SLCO3A1: variants seen among roughly 807,000 people sequenced by gnomAD.
SLCO3A1 encodes the protein solute carrier organic anion transporter family member 3A1.
A neutral mutation model predicts 63.1 loss-of-function variants in SLCO3A1; 27 were observed. That is an observed-to-expected ratio of 0.43 (90% CI 0.32 to 0.59). The LOEUF (loss-of-function observed/expected upper bound fraction) is 0.59. Among genes scored for constraint, SLCO3A1 ranks in the 20% least tolerant of loss-of-function variants. The pLI is 0.09. For synonymous variants in SLCO3A1, 473 were observed against 409.9 expected, an observed-to-expected ratio of 1.15 and a Z score of -1.86; for missense variants, 773 against 945.8, an observed-to-expected ratio of 0.82 and a Z score of 2.40.
At chr15:91,986,202 A>G (rs956983489) in intron 2 of SLCO3A1, among the ~76,000 whole-genome samples, 2 of 152,132 alleles carry the variant, frequency 1.3e-5, no homozygotes, top group Admixed American at 1.3e-4. Context: ...TTCCTCGGCT[A>G]CTGTCCAGGT....
intron 3 of SLCO3A1, among the ~76,000 whole-genome samples, chr15:92,100,619 T>G (rs961847372): frequency 3.3e-5 from 5 of 152,204 alleles, no homozygotes; most frequent in Non-Finnish European, 1.5e-5. Flanking sequence ...TAAAGAGGTT[T>G]TCAAGCCTTC....
chr15:92,070,462 G>A (rs1006273101), intron 2 of SLCO3A1, among the ~76,000 whole-genome samples: 2 of 150,206 alleles, frequency 1.3e-5, no homozygotes, highest in East Asian at 1.9e-4. Context: ...GGCCCACATG[G>A]GGAAACCCCA....
intron 1 of SLCO3A1, among the ~76,000 whole-genome samples, chr15:91,870,526 T>G (rs182099542): frequency 3.3e-5 from 5 of 152,372 alleles, no homozygotes; most frequent in Non-Finnish European, 7.3e-5. Context: ...TCATAGTTTT[T>G]GGAACTGGAT....
chr15:91,986,157 C>A (rs1378375986), intron 2 of SLCO3A1, among the ~76,000 whole-genome samples: 2 of 152,084 alleles, frequency 1.3e-5, no homozygotes, highest in Non-Finnish European at 2.9e-5. Context: ...TGAGGGAGTA[C>A]CTGCTAGCCA....
intron 2 of SLCO3A1, among the ~76,000 whole-genome samples, chr15:92,004,305 A>G (rs187291441): frequency 2.0e-5 from 3 of 152,316 alleles, no homozygotes; most frequent in Non-Finnish European, 4.4e-5. Context: ...GCATCCTCCT[A>G]TACGGTGAAG....
chr15:92,041,598 G>A (rs1293315786), intron 2 of SLCO3A1, among the ~76,000 whole-genome samples: 1 of 152,186 alleles, frequency 6.6e-6, no homozygotes, highest in African/African-American at 2.4e-5. Context: ...AGATGGAGAT[G>A]TCAGGTTTCA....
rs535625935 is a variant in SLCO3A1 at position 91,942,927 on chromosome 15, G to A, written c.646+26469G>A. 2.0e-5 allele frequency among the ~76,000 whole-genome samples: 3 copies of A among 152,304 alleles called. No homozygotes were observed. Among genetic ancestry groups the A allele is most frequent in the South Asian group, 2.1e-4 (1 of 4,826 alleles). ...CAGACAGAGCAGAACTGCTCTGCCC[G>A]AGTGGGCGTGGGGCCCAGGGCCCAG... On this transcript the variant is annotated intron_variant, in intron 2 of 9. Coordinates refer to ENST00000318445, the MANE Select transcript of SLCO3A1 (RefSeq NM_013272.4). The surrounding 1 kb of genome is among the most constrained non-coding windows in gnomAD (Gnocchi z 4.1).
chr15:91,872,415 C>G lies in SLCO3A1; in HGVS notation c.180+18327C>G, dbSNP rs1353767303. Among the ~76,000 whole-genome samples the G allele has an allele frequency of 2.6e-5, 4 of 151,862 alleles. No homozygotes were observed. Among genetic ancestry groups the G allele is most frequent in the Non-Finnish European group, 2.9e-5 (2 of 67,962 alleles). Reference sequence around the variant, plus strand: ...GGCATGGTGGCAGTTGCCTGTAATCCCAGCTACTCGGCGGGCTGAGGTAGG... The same window carrying G: ...GGCATGGTGGCAGTTGCCTGTAATCGCAGCTACTCGGCGGGCTGAGGTAGG... On this transcript the variant is annotated intron_variant, in intron 1 of 9. Transcript: ENST00000318445. This position sits in a 1 kb window ranked among gnomAD's most constrained non-coding sequence, Gnocchi z 4.1.
intron 2 of SLCO3A1, among the ~76,000 whole-genome samples, chr15:92,027,704 C>A (rs2046593087): frequency 6.6e-6 from 1 of 152,228 alleles, no homozygotes; most frequent in Non-Finnish European, 1.5e-5. Flanking sequence ...CATTTTTATC[C>A]ATGTCCCTAA....
chr15:91,896,520 G>T (rs60196826), intron 1 of SLCO3A1, among the ~76,000 whole-genome samples: 1 of 152,026 alleles, frequency 6.6e-6, no homozygotes, highest in Non-Finnish European at 1.5e-5. Context: ...TGACTCATGG[G>T]GGTGGGTTTT....
chr15:91,962,955 T>C (rs1352904328), intron 2 of SLCO3A1, among the ~76,000 whole-genome samples: 1 of 152,222 alleles, frequency 6.6e-6, no homozygotes, highest in South Asian at 2.1e-4. Flanking sequence ...TGTGCATTCA[T>C]CTGAAGACAT....
intron 2 of SLCO3A1, among the ~76,000 whole-genome samples, chr15:92,057,171 G>A (rs577032429): frequency 6.6e-6 from 1 of 152,278 alleles, no homozygotes; most frequent in African/African-American, 2.4e-5. Flanking sequence ...CAAGCCGAAG[G>A]TGCTGGGGCC....
At chr15:91,911,911 C>T (rs1386138669) in intron 1 of SLCO3A1, among the ~76,000 whole-genome samples, 1 of 152,152 alleles carries the variant, frequency 6.6e-6, no homozygotes, top group Non-Finnish European at 1.5e-5. Flanking sequence ...AGTCGTGAGC[C>T]ACTGCGCCCG....
rs3030616 is a variant in SLCO3A1, at chr15:92,164,967, G to GTTGATTGA, written c.*1839_*1840insATTGATTG. 1.1e-5 allele frequency: 11 copies of GTTGATTGA among 984,878 alleles called. No individual in the cohort carries two copies. The African/African-American group carries it at 1.4e-4, about 13-fold the overall frequency. The allele number at this position is 984,878 out of a possible 1,614,324, so 61.0% of individuals were successfully genotyped here. A position where few individuals can be genotyped will look rare whatever the true frequency, so the allele number is the denominator to read the frequency against. On this transcript the variant is annotated 3_prime_UTR_variant, in exon 10 of 10. Transcript: ENST00000318445. ...CTGGCGCTGGAAAAAAAACTCAAAG[G>GTTGATTGA]TTGATTGGTTTGCTTTTTCACCTTG...
intron 5 of SLCO3A1, among the ~76,000 whole-genome samples, 192 bp downstream of exon 5, chr15:92,120,821 G>T (rs2047854605): frequency 6.6e-6 from 1 of 152,132 alleles, no homozygotes; most frequent in Non-Finnish European, 1.5e-5. Flanking sequence ...TGGATCAGTT[G>T]CTAAAAGCAC....
chr15:92,128,494 T>A lies in SLCO3A1; in HGVS notation c.1512+5T>A, dbSNP rs1420978134. ...TTTGCTGGCTGCAACAGCACGGTAA[T>A]GGGATGGGGCAGGGGATGGGGCAGG... is the stretch of plus-strand genomic sequence containing the variant. On this transcript the variant is annotated splice_donor_5th_base_variant and intron_variant, in intron 7 of 9. Coordinates refer to ENST00000318445, the MANE Select transcript of SLCO3A1 (RefSeq NM_013272.4). The A allele has an allele frequency of 6.2e-7, 1 of 1,611,530 alleles. No individual in the cohort carries two copies. Among genetic ancestry groups the A allele is most frequent in the Non-Finnish European group, 8.5e-7 (1 of 1,178,862 alleles).
chr15:92,075,359 A>G (rs1438352852), intron 2 of SLCO3A1, among the ~76,000 whole-genome samples: 3 of 152,008 alleles, frequency 2.0e-5, no homozygotes, highest in African/African-American at 7.2e-5. Flanking sequence ...CCAGCATGGT[A>G]TGGCCCCCTC....
At chr15:92,025,206 G>GT (rs1280825271) in intron 2 of SLCO3A1, among the ~76,000 whole-genome samples, 8 of 148,956 alleles carry the variant, frequency 5.4e-5, no homozygotes, top group Non-Finnish European at 8.9e-5. Flanking sequence ...TTTTTCTTGG[G>GT]TTTTTTGTTT....
chr15:91,968,755 G>A lies in SLCO3A1; in HGVS notation c.646+52297G>A, dbSNP rs1288841383. Among the ~76,000 whole-genome samples the A allele has an allele frequency of 6.6e-6, 1 of 152,210 alleles. No homozygotes were observed. Among genetic ancestry groups the A allele is most frequent in the Non-Finnish European group, 1.5e-5 (1 of 68,036 alleles). On this transcript the variant is annotated intron_variant, in intron 2 of 9. Transcript: ENST00000318445. The surrounding 1 kb of genome is among the most constrained non-coding windows in gnomAD (Gnocchi z 4.2). ...CCGCAGTATTTACGGCACTCACGAC[G>A]TGTCCAGCTTCTTTGTGCGCTCACA...
Sources: gnomAD v4.1 joint callset for allele counts (sites outside exome capture counted in the v4.1 genomes callset) on GRCh38, gnomAD v4.1.1 for gene constraint, Gnocchi (gnomAD v3.1) non-coding constraint, MANE v1.5 for transcripts, NCBI Gene and HGNC (gene_info 2026-07-23, HGNC 2026-07-21) for gene names.